Variants in MX1 observed in about 807,000 individuals in gnomAD.
MX1 encodes the protein interferon-induced GTP-binding protein Mx1.
MX1 carries 66 observed loss-of-function variants against 66.4 expected under a neutral mutation model. The observed-to-expected ratio is 0.99, with a 90% CI of 0.82 to 1.22. The LOEUF (loss-of-function observed/expected upper bound fraction) is 1.22. Among genes scored for constraint, MX1 ranks in the 50% most tolerant of loss-of-function variants. MX1 has a pLI of 0.00. For missense variants in MX1, 787 were observed against 834.3 expected (o/e 0.94, Z 0.70); for synonymous variants, 311 against 318.1 (o/e 0.98, Z 0.24).
Position 41,443,816 on chromosome 21 carries a change from G to A in MX1, c.958G>A (p.Val320Ile), listed in dbSNP as rs2090583429. ...TCTGCTGGAGGAAGGAAAGGCCACG[G>A]TTCCCTGCCTGGCAGAAAAACTTAC... ...RDLLEEGKAT[V>I]PCLAEKLTSE... The change falls in exon 11 of 17, where the codon GTT becomes ATT. Residue 320 changes from valine to isoleucine, a missense_variant. By Grantham distance (29) the Val-to-Ile change is conservative. Coordinates refer to ENST00000398598, the MANE Select transcript of MX1 (RefSeq NM_002462.5). 6.2e-7 allele frequency: 1 copy of A among 1,614,112 alleles called. No homozygotes were observed. Among genetic ancestry groups the A allele is most frequent in the Admixed American group, 1.7e-5 (1 of 60,008 alleles).
chr21:41,432,249 G>A (rs1317872628), intron 5 of MX1, 74 bp downstream of exon 5: 28 of 1,324,984 alleles, frequency 2.1e-5, no homozygotes, highest in South Asian at 1.1e-4. Flanking sequence ...TTTCTACAGC[G>A]GTGCTACTGC....
In MX1 at chr21:41,441,728, AGC is replaced by A; in HGVS notation, c.744_745del (p.Lys248AsnfsTer2). On this transcript the variant is annotated frameshift_variant, in exon 10 of 17. Transcript: ENST00000398598. LOFTEE classifies it high-confidence loss of function. This position sits in a 1 kb window ranked among gnomAD's most constrained non-coding sequence, Gnocchi z 4.0. ...ATCTGGCTCGCAGGAATCTTGACGAAGCCTGATCTGGTGGACAAAGGAACTGA... is the reference window on the plus strand; with the variant it reads ...ATCTGGCTCGCAGGAATCTTGACGAACTGATCTGGTGGACAAAGGAACTGA... The A allele has an allele frequency of 6.2e-7, 1 of 1,614,180 alleles. No homozygotes were observed. Among genetic ancestry groups the A allele is most frequent in the Non-Finnish European group, 8.5e-7 (1 of 1,180,030 alleles).
chr21:41,456,981 T>C (rs376210670), intron 16 of MX1, among the ~76,000 whole-genome samples: 29 of 152,306 alleles, frequency 1.9e-4, no homozygotes, highest in East Asian at 9.7e-4. Flanking sequence ...AGGCTGGTCT[T>C]GAACGCCTGA....
At chr21:41,436,694 G>A (rs150694071) in intron 6 of MX1, among the ~76,000 whole-genome samples, 3 of 152,224 alleles carry the variant, frequency 2.0e-5, no homozygotes, top group Admixed American at 6.5e-5. Flanking sequence ...GAAGATGTTC[G>A]GATGAGTTTC....
At chr21:41,438,548 C>T (rs374512248) in intron 7 of MX1, among the ~76,000 whole-genome samples, 4 of 152,188 alleles carry the variant, frequency 2.6e-5, no homozygotes, top group Admixed American at 2.0e-4. Context: ...GGGCAAGACC[C>T]GACATCTAAC....
chr21:41,457,842 A>G (rs958855929), intron 16 of MX1, among the ~76,000 whole-genome samples: 25 of 152,194 alleles, frequency 1.6e-4, no homozygotes, highest in African/African-American at 5.5e-4. Context: ...TCCCCATTAA[A>G]CACATTCCCC....
chr21:41,452,845 T>C lies in MX1; in HGVS notation c.1734T>C (p.Phe578=). 6.2e-7 allele frequency: 1 copy of C among 1,614,202 alleles called. No individual in the cohort carries two copies. The highest frequency in any genetic ancestry group is 1.6e-4 in the Middle Eastern group (1 of 6,062). Residue 578 remains phenylalanine (F), a synonymous_variant, in exon 16 of 17, where the codon TTT becomes TTC. Transcript: ENST00000398598. ...SATDSSMEEI[F]QHLMAYHQEA... is the part of the protein sequence containing the mutation. Reference sequence around the variant, plus strand: ...CAGACTCTTCCATGGAGGAGATCTTTCAGCACCTGATGGCCTATCACCAGG... The same window carrying C: ...CAGACTCTTCCATGGAGGAGATCTTCCAGCACCTGATGGCCTATCACCAGG...
Position 41,439,880 on chromosome 21 carries a change from G to A in MX1, c.591+32G>A, listed in dbSNP as rs886558223. ...CTTCAGACCCATTCTGACCTTGGCC[G>A]TGGCGTGGGGATGGGGGAGTGGAGG... On this transcript the variant is annotated intron_variant, in intron 8 of 16. Coordinates refer to ENST00000398598, the MANE Select transcript of MX1 (RefSeq NM_002462.5). 39 of 1,593,914 alleles carry A rather than the reference G, an allele frequency of 2.4e-5. No homozygotes were observed. In the Admixed American group the frequency reaches 4.7e-4, roughly 19 times the overall value.
chr21:41,431,185 G>C (rs2090201956), intron 4 of MX1, among the ~76,000 whole-genome samples: 1 of 152,070 alleles, frequency 6.6e-6, no homozygotes, highest in African/African-American at 2.4e-5. Flanking sequence ...ACCACTTCCA[G>C]CTAATTTTTG....
chr21:41,435,735 G>A (rs2146151374), intron 5 of MX1, 102 bp from the exon 6 acceptor site: 1 of 1,297,414 alleles, frequency 7.7e-7, no homozygotes. Flanking sequence ...GGATTATGGG[G>A]ATTACAATTC....
At chr21:41,436,153 G>A in intron 6 of MX1, 124 bp downstream of exon 6, 1 of 1,163,938 alleles carries the variant, frequency 8.6e-7, no homozygotes, top group Non-Finnish European at 1.2e-6. Flanking sequence ...CAAAATCAGG[G>A]TTTAGCTTCT....
chr21:41,438,464 G>T (rs902347443), intron 7 of MX1, among the ~76,000 whole-genome samples: 1 of 152,158 alleles, frequency 6.6e-6, no homozygotes. Flanking sequence ...CCTTCTGTCT[G>T]TGTGGTCTCT....
intron 3 of MX1, chr21:41,428,469 C>G (rs34142908): frequency 5.3e-5 from 8 of 152,374 alleles, no homozygotes; most frequent in Admixed American, 5.2e-4. Context: ...CGCTCTAGTG[C>G]TGGGTGGTGG....
intron 13 of MX1, among the ~76,000 whole-genome samples, chr21:41,447,886 C>A (rs1479397272): frequency 6.6e-6 from 1 of 152,096 alleles, no homozygotes; most frequent in Non-Finnish European, 1.5e-5. Flanking sequence ...GGATTATAGG[C>A]ACCTGTCTAA....
At chr21:41,456,550 C>T (rs1041739198) in intron 16 of MX1, among the ~76,000 whole-genome samples, 2 of 152,254 alleles carry the variant, frequency 1.3e-5, no homozygotes, top group East Asian at 3.9e-4. Context: ...ACACATGTTA[C>T]CCACATCTAC....
At chr21:41,455,328 G>T (rs761384690) in intron 16 of MX1, among the ~76,000 whole-genome samples, 1 of 152,234 alleles carries the variant, frequency 6.6e-6, no homozygotes, top group Non-Finnish European at 1.5e-5. Context: ...GGAGCTGCAT[G>T]CACGTGAGTG....
chr21:41,446,172 C>G, intron 13 of MX1, 31 bp downstream of exon 13: 19 of 1,581,380 alleles, frequency 1.2e-5, no homozygotes, highest in Non-Finnish European at 1.6e-5. Context: ...TTTTGGGCTG[C>G]TACAACCGAA....
At chr21:41,440,045 T>G (rs953389088) in intron 8 of MX1, among the ~76,000 whole-genome samples, 197 bp downstream of exon 8, 4 of 152,216 alleles carry the variant, frequency 2.6e-5, no homozygotes, top group Admixed American at 2.6e-4. Context: ...AATGGAAGCT[T>G]CTTTGGAGAA....
intron 13 of MX1, among the ~76,000 whole-genome samples, chr21:41,448,622 G>A (rs1323660380): frequency 6.6e-5 from 10 of 152,052 alleles, no homozygotes; most frequent in Admixed American, 2.0e-4. Flanking sequence ...TGGCTAACAC[G>A]GTGAAACCCC....
Sources: allele counts gnomAD v4.1 joint callset (sites outside exome capture counted in the v4.1 genomes callset), GRCh38; gene constraint gnomAD v4.1.1; non-coding constraint Gnocchi (gnomAD v3.1); transcripts MANE v1.5; gene names NCBI Gene and HGNC (gene_info 2026-07-23, HGNC 2026-07-21).